Variants in LGR5 observed in about 807,000 individuals in gnomAD.
LGR5 encodes leucine rich repeat containing G protein-coupled receptor 5, also known as leucine-rich repeat-containing G protein-coupled receptor 5.
A neutral mutation model predicts 76.7 loss-of-function variants in LGR5; 54 were observed. The ratio of observed to expected loss-of-function variants is 0.70; its 90% CI spans 0.57 to 0.88. The LOEUF (loss-of-function observed/expected upper bound fraction) is 0.88, where lower values mean the gene tolerates loss of function less well. Among genes scored for constraint, LGR5 ranks in the 40% least tolerant of loss-of-function variants. The pLI, the probability that LGR5 is intolerant of heterozygous loss-of-function variation, is 0.00. For missense variants in LGR5, 1,078 were observed against 1,073.3 expected, an observed-to-expected ratio of 1.00 and a Z score of -0.06; for synonymous variants, 406 against 421.9, an observed-to-expected ratio of 0.96 and a Z score of 0.46.
Position 71,584,956 on chromosome 12 carries a change from C to A in LGR5, c.*222C>A. ...TAATTTGTTCAGCTAAGGGATAGAT[C>A]GATCACACTATTTAAGTGAGCCCAG... On this transcript the variant is annotated 3_prime_UTR_variant, in exon 18 of 18. Coordinates refer to ENST00000266674, the MANE Select transcript of LGR5 (RefSeq NM_003667.4). 2.0e-6 allele frequency: 1 copy of A among 510,170 alleles called. No individual in the cohort carries two copies. The highest frequency in any genetic ancestry group is 3.4e-5 in the South Asian group (1 of 29,444). 31.6% of individuals were successfully genotyped at this position (510,170 alleles called of 1,614,324 possible).
intron 3 of LGR5, among the ~76,000 whole-genome samples, chr12:71,531,164 A>T (rs1407840395): frequency 6.6e-6 from 1 of 152,212 alleles, no homozygotes. Context: ...TTTCCTAATC[A>T]TATGTGAATG....
At chr12:71,480,434 G>A (rs1046781220) in intron 1 of LGR5, among the ~76,000 whole-genome samples, 3 of 151,670 alleles carry the variant, frequency 2.0e-5, no homozygotes, top group Non-Finnish European at 4.4e-5. Context: ...TGACTAGAGA[G>A]AGTTGGTGAA....
At chr12:71,471,769 G>A (rs1873114197) in intron 1 of LGR5, among the ~76,000 whole-genome samples, 1 of 151,864 alleles carries the variant, frequency 6.6e-6, no homozygotes. Flanking sequence ...TAAAACAGGA[G>A]TAATAACAGC....
chr12:71,578,094 A>C lies in LGR5; in HGVS notation c.1280+98A>C. 2.3e-6 allele frequency: 2 copies of C among 876,244 alleles called. 1 individual carries two copies. Among genetic ancestry groups the C allele is most frequent in the South Asian group, 2.9e-5 (2 of 68,306 alleles). The allele number at this position is 876,244 out of a possible 1,614,324, so 54.3% of individuals were successfully genotyped here. A position where few individuals can be genotyped will look rare whatever the true frequency, so the allele number is the denominator to read the frequency against. On this transcript the variant is annotated intron_variant, in intron 14 of 17. Coordinates refer to ENST00000266674, the MANE Select transcript of LGR5 (RefSeq NM_003667.4). ...GTTTTGTTGAAGAAGCTGGATATGCACAGATTACCTGCCTCTGTGTTCTCC... is the reference window on the plus strand; with the variant it reads ...GTTTTGTTGAAGAAGCTGGATATGCCCAGATTACCTGCCTCTGTGTTCTCC...
intron 2 of LGR5, among the ~76,000 whole-genome samples, chr12:71,520,241 A>G (rs894116617): frequency 6.6e-6 from 1 of 152,268 alleles, no homozygotes; most frequent in Admixed American, 6.5e-5. Context: ...CAATTTTGAT[A>G]TATGGTGTAA....
At chr12:71,548,467 A>C (rs1877310967) in intron 4 of LGR5, among the ~76,000 whole-genome samples, 1 of 152,178 alleles carries the variant, frequency 6.6e-6, no homozygotes, top group African/African-American at 2.4e-5. Context: ...TCAGAACTGA[A>C]ATTCACTGAC....
At chr12:71,494,935 T>C (rs370680159) in intron 1 of LGR5, among the ~76,000 whole-genome samples, 1 of 150,944 alleles carries the variant, frequency 6.6e-6, no homozygotes, top group Non-Finnish European at 1.5e-5. Context: ...AGGACACAAA[T>C]TGTGGAGCTT....
upstream of LGR5, chr12:71,439,765 G>C (rs1481992676): frequency 9.2e-6 from 3 of 327,328 alleles, no homozygotes; most frequent in Non-Finnish European, 1.1e-5. Context: ...GGGCTGGAGC[G>C]CTTTAAAAAA....
In LGR5 at chr12:71,504,592, C is replaced by T. The variant is rs758828641; in HGVS notation, c.213-22C>T. 2.1e-5 allele frequency: 34 copies of T among 1,605,712 alleles called. No homozygotes were observed. In the African/African-American group the frequency reaches 2.3e-4, roughly 11 times the overall value. On this transcript the variant is annotated intron_variant, in intron 1 of 17. Coordinates refer to ENST00000266674, the MANE Select transcript of LGR5 (RefSeq NM_003667.4). ...GTGGTGGCATTTGCTGCTCCTCACA[C>T]GCTGTCTGTTTTCCCCCCCAGAGAC...
chr12:71,578,605 T>G (rs1288155529), intron 14 of LGR5, among the ~76,000 whole-genome samples, 199 bp from the exon 15 acceptor site: 1 of 152,182 alleles, frequency 6.6e-6, no homozygotes, highest in East Asian at 1.9e-4. Flanking sequence ...TTAAAACCTT[T>G]TCTCCCCTAC....
At chr12:71,476,902 G>T (rs1380084626) in intron 1 of LGR5, among the ~76,000 whole-genome samples, 1 of 152,066 alleles carries the variant, frequency 6.6e-6, no homozygotes, top group African/African-American at 2.4e-5. Flanking sequence ...ACTGCTATGT[G>T]GTCCCAGCTT....
chr12:71,480,354 CTG>C (rs1238312572), intron 1 of LGR5, among the ~76,000 whole-genome samples: 1 of 131,772 alleles, frequency 7.6e-6, no homozygotes, highest in Non-Finnish European at 1.6e-5. Context: ...GAATGAGACT[CTG>C]TCTCAAAAAA....
intron 2 of LGR5, among the ~76,000 whole-genome samples, chr12:71,521,508 T>C (rs1038215254): frequency 1.3e-5 from 2 of 152,190 alleles, no homozygotes; most frequent in African/African-American, 4.8e-5. Flanking sequence ...GAAGGGGAAA[T>C]TGAAGAAATT....
intron 3 of LGR5, 141 bp from the exon 4 acceptor site, chr12:71,534,974 C>A: frequency 1.8e-6 from 1 of 555,292 alleles, no homozygotes; most frequent in Non-Finnish European, 3.2e-6. Context: ...TCACTCTTCA[C>A]AGGAATTTCA....
intron 3 of LGR5, among the ~76,000 whole-genome samples, chr12:71,533,698 T>C (rs1305409911): frequency 1.3e-5 from 2 of 152,234 alleles, no homozygotes; most frequent in African/African-American, 4.8e-5. Context: ...TTTTACTGAA[T>C]GCTTATCATG....
chr12:71,508,508 C>T (rs141848496), intron 2 of LGR5, among the ~76,000 whole-genome samples: 12 of 152,156 alleles, frequency 7.9e-5, no homozygotes, highest in Middle Eastern at 3.4e-3. Flanking sequence ...GTAATCCCAG[C>T]ACTTTGGGAG....
Position 71,440,895 on chromosome 12 carries a change from C to A in LGR5, c.212+603C>A, listed in dbSNP as rs1372340322. Among the ~76,000 whole-genome samples, 2 of 151,666 alleles carry A rather than the reference C, an allele frequency of 1.3e-5. No homozygotes were observed. Among genetic ancestry groups the A allele is most frequent in the Non-Finnish European group, 2.9e-5 (2 of 67,968 alleles). ...TCTTTTTATTTTCTTTCTTTTTTAACGGCGTGATTAAAATGTGGCAACCAC... is the reference window on the plus strand; with the variant it reads ...TCTTTTTATTTTCTTTCTTTTTTAAAGGCGTGATTAAAATGTGGCAACCAC... On this transcript the variant is annotated intron_variant, in intron 1 of 17. Transcript: ENST00000266674. The surrounding 1 kb of genome is among the most constrained non-coding windows in gnomAD (Gnocchi z 5.3).
chr12:71,551,544 A>T (rs1877485190), intron 4 of LGR5, among the ~76,000 whole-genome samples: 1 of 152,264 alleles, frequency 6.6e-6, no homozygotes, highest in East Asian at 1.9e-4. Flanking sequence ...TTAAAAGCAG[A>T]TTGGGAAAAA....
intron 1 of LGR5, among the ~76,000 whole-genome samples, chr12:71,487,632 C>G (rs1239733013): frequency 6.6e-6 from 1 of 152,174 alleles, no homozygotes; most frequent in South Asian, 2.1e-4. Flanking sequence ...AGGCTCATCT[C>G]TAACTCCTGG....
Sources: allele counts gnomAD v4.1 joint callset (sites outside exome capture counted in the v4.1 genomes callset), GRCh38; gene constraint gnomAD v4.1.1; non-coding constraint Gnocchi (gnomAD v3.1); transcripts MANE v1.5; gene names NCBI Gene and HGNC (gene_info 2026-07-23, HGNC 2026-07-21).